AGAP1: variants seen among roughly 807,000 people sequenced by gnomAD.
AGAP1 encodes ArfGAP with GTPase domain, ankyrin repeat and PH domain 1, also known as arf-GAP with GTPase, ANK repeat and PH domain-containing protein 1.
In AGAP1, 29 loss-of-function variants were observed where a neutral mutation model predicts 105.3. The observed-to-expected ratio is 0.28, with a 90% CI of 0.21 to 0.38. The LOEUF (loss-of-function observed/expected upper bound fraction) is 0.38. AGAP1 is among the 10% of genes least tolerant of loss of function. AGAP1 has a pLI of 1.00. For synonymous variants in AGAP1, 509 were observed against 485.9 expected, an observed-to-expected ratio of 1.05 and a Z score of -0.63; for missense variants, 998 against 1,165.1, an observed-to-expected ratio of 0.86 and a Z score of 2.09.
intron 1 of AGAP1, among the ~76,000 whole-genome samples, chr2:235,698,685 C>T (rs894866528): frequency 6.6e-6 from 1 of 152,186 alleles, no homozygotes; most frequent in Non-Finnish European, 1.5e-5. Flanking sequence ...GTGCCAGGAA[C>T]CCCTGGCGGG....
intron 13 of AGAP1, among the ~76,000 whole-genome samples, chr2:236,026,646 T>A (rs1227714522): frequency 6.6e-6 from 1 of 152,108 alleles, no homozygotes; most frequent in Non-Finnish European, 1.5e-5. Flanking sequence ...GGAGAATCAC[T>A]TGAACCTGGG....
Position 235,494,821 on chromosome 2 carries a change from G to C in AGAP1, c.135G>C (p.Gln45His). Residue 45 changes from glutamine to histidine, a missense_variant, in exon 1 of 18, where the codon CAG (glutamine) becomes CAC (histidine). Physicochemically the swap from Gln to His is conservative, Grantham distance 24. Coordinates refer to ENST00000304032, the MANE Select transcript of AGAP1 (RefSeq NM_001037131.3). The part of the protein sequence containing the change: ...ERVEEPVLQN[Q>H]IREHVIAIED... ...TGGAGGAGCCGGTGCTGCAGAACCA[G>C]ATCCGGGAGCACGTCATCGCCATCG... 1.3e-6 allele frequency: 2 copies of C among 1,578,706 alleles called. No homozygotes were observed. The highest frequency in any genetic ancestry group is 1.7e-6 in the Non-Finnish European group (2 of 1,162,420).
rs1325331112 is a variant in AGAP1 at position 235,842,638 on chromosome 2, T to A, written c.1050+35307T>A. 6.6e-6 allele frequency among the ~76,000 whole-genome samples: 1 copy of A among 152,242 alleles called. No individual in the cohort carries two copies. Among genetic ancestry groups the A allele is most frequent in the Non-Finnish European group, 1.5e-5 (1 of 68,044 alleles). ...TGGGACGTGCCAAAAAAGACCCACCTGTAGCAAGCCTCCATGTGGATTTGA... is the reference window on the plus strand; with the variant it reads ...TGGGACGTGCCAAAAAAGACCCACCAGTAGCAAGCCTCCATGTGGATTTGA... On this transcript the variant is annotated intron_variant, in intron 9 of 17. Transcript: ENST00000304032. The surrounding 1 kb of genome is among the most constrained non-coding windows in gnomAD (Gnocchi z 5.3).
chr2:235,897,054 CTTTT>C (rs1181966983), intron 10 of AGAP1, among the ~76,000 whole-genome samples: 1 of 152,050 alleles, frequency 6.6e-6, no homozygotes, highest in Non-Finnish European at 1.5e-5. Context: ...CCTCTTATTT[CTTTT>C]TTTGTTTGTT....
intron 11 of AGAP1, among the ~76,000 whole-genome samples, chr2:235,929,939 T>A (rs189320493): frequency 0.01 from 1,536 of 152,116 alleles, 17 homozygotes; most frequent in Non-Finnish European, 0.015. Flanking sequence ...TGGAAGAAAA[T>A]TTTTTTTAAA....
rs1174253912 is a variant in AGAP1 at position 236,124,080 on chromosome 2, T to A, written c.2532T>A (p.Asn844Lys). The A allele has an allele frequency of 6.2e-7, 1 of 1,613,984 alleles. No individual in the cohort carries two copies. ...MATPNLSRRN[N>K]NRNNSSGRVP... Reference sequence around the variant, plus strand: ...CCCCTAACCTGTCCAGGAGAAACAATAACCGGAACAACAGCAGTGGGAGGG... The same window carrying A: ...CCCCTAACCTGTCCAGGAGAAACAAAAACCGGAACAACAGCAGTGGGAGGG... Residue 844 changes from asparagine to lysine, a missense_variant, in exon 18 of 18, where the codon AAT becomes AAA. By Grantham distance (94) the Asn-to-Lys change is moderately conservative (BLOSUM62 0). This residue lies in a region of AGAP1 where 235 missense variants were observed against 270.7 expected (regional missense o/e 0.87). Transcript: ENST00000304032. The surrounding 1 kb of genome is among the most constrained non-coding windows in gnomAD (Gnocchi z 5.1).
chr2:235,604,112 A>T (rs953742169), intron 1 of AGAP1, among the ~76,000 whole-genome samples: 13 of 151,880 alleles, frequency 8.6e-5, no homozygotes, highest in Non-Finnish European at 2.9e-5. Flanking sequence ...ATCAGAATTC[A>T]GGCTGGTTTC....
intron 1 of AGAP1, among the ~76,000 whole-genome samples, chr2:235,571,255 TGAG>T: frequency 6.6e-6 from 1 of 152,122 alleles, no homozygotes; most frequent in Non-Finnish European, 1.5e-5. Context: ...CCGTTCGACA[TGAG>T]GTTTGGGATG....
rs988277307 is a variant in AGAP1, at chr2:236,105,166, C to T, written c.2115-15026C>T. 6.6e-6 allele frequency among the ~76,000 whole-genome samples: 1 copy of T among 152,178 alleles called. No individual in the cohort carries two copies. Among genetic ancestry groups the T allele is most frequent in the Non-Finnish European group, 1.5e-5 (1 of 68,024 alleles). On this transcript the variant is annotated intron_variant, in intron 16 of 17. Transcript: ENST00000304032. The surrounding 1 kb of genome is among the most constrained non-coding windows in gnomAD (Gnocchi z 4.2). Reference sequence around the variant, plus strand: ...TTTCCAAGCCAGCAAGACATGCATTCAGGCTACCTACAAGGAAAAGCAGTT... The same window carrying T: ...TTTCCAAGCCAGCAAGACATGCATTTAGGCTACCTACAAGGAAAAGCAGTT...
intron 1 of AGAP1, among the ~76,000 whole-genome samples, chr2:235,572,979 CTT>C (rs1944583269): frequency 7.3e-5 from 2 of 27,428 alleles, no homozygotes; most frequent in Admixed American, 3.1e-4. Flanking sequence ...CATCTTTTTT[CTT>C]CTTCTTCTTC....
At chr2:235,940,661 A>G (rs2053218470) in intron 12 of AGAP1, among the ~76,000 whole-genome samples, 1 of 152,180 alleles carries the variant, frequency 6.6e-6, no homozygotes, top group Non-Finnish European at 1.5e-5. Context: ...CTTACTCTGG[A>G]CACATTCTTG....
At chr2:236,064,296 T>C (rs902202043) in intron 16 of AGAP1, among the ~76,000 whole-genome samples, 6 of 152,144 alleles carry the variant, frequency 3.9e-5, no homozygotes, top group African/African-American at 1.4e-4. Flanking sequence ...AGGACACTCC[T>C]ACACGTGAAA....
At position 235,611,102 on chromosome 2, in the gene AGAP1, C is replaced by A. The variant is rs1368825275; in HGVS notation, c.164-98077C>A. On this transcript the variant is annotated intron_variant, in intron 1 of 17. Transcript: ENST00000304032. This position sits in a 1 kb window ranked among gnomAD's most constrained non-coding sequence, Gnocchi z 5.0. ...GATGGGCTAGTGTGTTGACCTTCCA[C>A]TGCCCCGAGGGGAGGACTCTGCCCT... 6.6e-6 allele frequency among the ~76,000 whole-genome samples: 1 copy of A among 151,772 alleles called. No homozygotes were observed. The highest frequency in any genetic ancestry group is 2.4e-5 in the African/African-American group (1 of 41,018).
chr2:235,930,794 A>G lies in AGAP1; in HGVS notation c.1354A>G (p.Met452Val). The change falls in exon 12 of 18, where the codon ATG becomes GTG. Residue 452 changes from methionine to valine, a missense_variant. By Grantham distance (21) the Met-to-Val change is conservative. Coordinates refer to ENST00000304032, the MANE Select transcript of AGAP1 (RefSeq NM_001037131.3). This position sits in a 1 kb window ranked among gnomAD's most constrained non-coding sequence, Gnocchi z 7.9. Reference protein sequence around the residue: ...GNVTSASGSQMASGISLVSFN... With the variant: ...GNVTSASGSQVASGISLVSFN... ...TGTCACTAGTGCATCTGGGTCTCAG[A>G]TGGCAAGCGGCATCAGCCTGGTCTC... 6.2e-7 allele frequency: 1 copy of G among 1,613,918 alleles called. No individual in the cohort carries two copies. Among genetic ancestry groups the G allele is most frequent in the Middle Eastern group, 1.6e-4 (1 of 6,062 alleles).
Position 235,787,073 on chromosome 2 carries a change from C to T in AGAP1, c.674-10686C>T, listed in dbSNP as rs992097275. Among the ~76,000 whole-genome samples, 3 of 152,244 alleles carry T rather than the reference C, an allele frequency of 2.0e-5. No individual in the cohort carries two copies. The highest frequency in any genetic ancestry group is 1.9e-4 in the East Asian group (1 of 5,190). The stretch of plus-strand genomic sequence containing the variant: ...CACATACTTAGGCAGTGCTCAGAGT[C>T]GAGCTGGCCTGGGGCCGTGGCCCCA... On this transcript the variant is annotated intron_variant, in intron 6 of 17. Coordinates refer to ENST00000304032, the MANE Select transcript of AGAP1 (RefSeq NM_001037131.3). The surrounding 1 kb of genome is among the most constrained non-coding windows in gnomAD (Gnocchi z 4.4).
chr2:235,533,736 G>A (rs915497381), intron 1 of AGAP1, among the ~76,000 whole-genome samples: 22 of 152,236 alleles, frequency 1.4e-4, no homozygotes, highest in African/African-American at 5.3e-4. Context: ...TTTCTCATGT[G>A]TGAGGAGCTG....
intron 1 of AGAP1, chr2:235,670,167 C>T (rs1482959063): frequency 3.4e-6 from 2 of 584,994 alleles, no homozygotes; most frequent in Non-Finnish European, 6.2e-6. Context: ...CGCGGGACGC[C>T]CCCCAGAAAG....
At chr2:235,579,623 G>T (rs1394966025) in intron 1 of AGAP1, among the ~76,000 whole-genome samples, 2 of 151,852 alleles carry the variant, frequency 1.3e-5, no homozygotes, top group Admixed American at 6.6e-5. Flanking sequence ...AAAATACAAA[G>T]AAATTAGCCG....
Position 236,062,929 on chromosome 2 carries a change from G to C in AGAP1, c.2114+13648G>C, listed in dbSNP as rs1268060321. On this transcript the variant is annotated intron_variant, in intron 16 of 17. Coordinates refer to ENST00000304032, the MANE Select transcript of AGAP1 (RefSeq NM_001037131.3). The surrounding 1 kb of genome is among the most constrained non-coding windows in gnomAD (Gnocchi z 4.2). ...CCCACCTTGGCCTCCCAGAGTGCTG[G>C]GATTACAAGTATGAGCCACCGTGCC... 1.3e-5 allele frequency among the ~76,000 whole-genome samples: 2 copies of C among 151,982 alleles called. No homozygotes were observed. The highest frequency in any genetic ancestry group is 2.9e-5 in the Non-Finnish European group (2 of 67,998).
Sources: gnomAD v4.1 joint callset for allele counts (sites outside exome capture counted in the v4.1 genomes callset) on GRCh38, gnomAD v4.1.1 for gene constraint, gnomAD v4.1.1 regional missense constraint, Gnocchi (gnomAD v3.1) non-coding constraint, MANE v1.5 for transcripts, NCBI Gene and HGNC (gene_info 2026-07-23, HGNC 2026-07-21) for gene names.